Variants in IBTK observed in about 807,000 individuals in gnomAD.
The protein encoded by IBTK is BTK-binding protein.
A neutral mutation model predicts 154.9 loss-of-function variants in IBTK; 83 were observed. That is an observed-to-expected ratio of 0.54 (90% CI 0.45 to 0.64). The LOEUF is 0.64. Ranked by LOEUF, IBTK falls within the 30% of genes least tolerant of loss-of-function variation. IBTK has a pLI of 0.00. For missense variants in IBTK, 1,332 were observed against 1,584.6 expected (o/e 0.84, Z 2.71); for synonymous variants, 515 against 536.1 (o/e 0.96, Z 0.54).
At position 82,171,228 on chromosome 6, in the gene IBTK, A is replaced by G; in HGVS notation, c.*197T>C. ...TTTTTGTCTCACACATTTTATATAA[A>G]GTTACTAAAATCACAATTCTGAGAA... On this transcript the variant is annotated 3_prime_UTR_variant, in exon 29 of 29. Coordinates refer to ENST00000306270, the MANE Select transcript of IBTK (RefSeq NM_015525.4). 2.7e-6 allele frequency: 1 copy of G among 371,548 alleles called. No individual in the cohort carries two copies. The allele number at this position is 371,548 out of a possible 1,614,324, so 23.0% of individuals were successfully genotyped here.
intron 2 of IBTK, among the ~76,000 whole-genome samples, chr6:82,235,780 A>G (rs891979440): frequency 9.2e-5 from 14 of 152,306 alleles, no homozygotes; most frequent in African/African-American, 3.4e-4. Flanking sequence ...TGTTTATGTT[A>G]CCATAGTTGG....
rs774353493 is a variant in IBTK, at chr6:82,182,018, G to A, written c.3586C>T (p.Leu1196=). ...AATGACTTGGATGAAACTGAATGCA[G>A]AGAAGATGCCCTGCAAAAGAAAGCA... ...PKPVNAWASS[L]HSVSSKSFRD... The change falls in exon 26 of 29, where the codon CTG becomes TTG. Residue 1196 remains leucine (L), a synonymous_variant. Transcript: ENST00000306270. 8 of 1,596,304 alleles carry A rather than the reference G, an allele frequency of 5.0e-6. No individual in the cohort carries two copies. In the South Asian group the frequency reaches 5.8e-5, roughly 12 times the overall value.
intron 15 of IBTK, 119 bp downstream of exon 15, chr6:82,211,248 A>G: frequency 1.4e-6 from 1 of 733,340 alleles, no homozygotes; most frequent in South Asian, 2.3e-5. Context: ...AAAGTTTAAT[A>G]TAAATGAAAA....
rs114271182 is a variant in IBTK, at chr6:82,246,962, G to A, written c.-358+600C>T. Among the ~76,000 whole-genome samples, 1,107 of 152,226 alleles carry A rather than the reference G, an allele frequency of 7.3e-3. 14 individuals are homozygous for A. Among genetic ancestry groups the A allele is most frequent in the African/African-American group, 0.025 (1,041 of 41,546 alleles). ...ACGTTGGAAAACAGGAGTCAAGGACGGCCTATGTTACCTAATTCGCAGCTG... is the reference window on the plus strand; with the variant it reads ...ACGTTGGAAAACAGGAGTCAAGGACAGCCTATGTTACCTAATTCGCAGCTG... On this transcript the variant is annotated intron_variant, in intron 1 of 28. Coordinates refer to ENST00000306270, the MANE Select transcript of IBTK (RefSeq NM_015525.4).
chr6:82,236,980 A>G (rs1770740964), intron 2 of IBTK, among the ~76,000 whole-genome samples: 1 of 152,224 alleles, frequency 6.6e-6, no homozygotes, highest in Non-Finnish European at 1.5e-5. Flanking sequence ...TGATGCCAAT[A>G]AGACAGTCAA....
At chr6:82,175,351 T>G (rs1768071556) in intron 26 of IBTK, among the ~76,000 whole-genome samples, 1 of 152,196 alleles carries the variant, frequency 6.6e-6, no homozygotes, top group African/African-American at 2.4e-5. Context: ...TACTCTCATT[T>G]CCATATTATG....
chr6:82,226,738 C>T (rs2127821834), intron 5 of IBTK, among the ~76,000 whole-genome samples: 1 of 152,234 alleles, frequency 6.6e-6, no homozygotes, highest in Middle Eastern at 3.4e-3. Flanking sequence ...TTCCAAGTAG[C>T]TGGGATTACA....
intron 6 of IBTK, among the ~76,000 whole-genome samples, 198 bp from the exon 7 acceptor site, chr6:82,224,383 G>A (rs1409666771): frequency 6.6e-6 from 1 of 152,222 alleles, no homozygotes; most frequent in African/African-American, 2.4e-5. Context: ...ACATTGTGAT[G>A]CAGCCACTTT....
At chr6:82,187,254 T>C (rs556613239) in intron 25 of IBTK, among the ~76,000 whole-genome samples, 45 of 152,276 alleles carry the variant, frequency 3.0e-4, no homozygotes, top group African/African-American at 1.1e-3. Flanking sequence ...AAATAACCTA[T>C]GTTTTTGGTC....
intron 26 of IBTK, among the ~76,000 whole-genome samples, chr6:82,176,732 A>G (rs1768132697): frequency 6.6e-6 from 1 of 152,048 alleles, no homozygotes; most frequent in African/African-American, 2.4e-5. Context: ...CTAACCTTGG[A>G]AAAAAATCAC....
At chr6:82,181,318 G>A (rs1260635320) in intron 26 of IBTK, among the ~76,000 whole-genome samples, 1 of 152,178 alleles carries the variant, frequency 6.6e-6, no homozygotes, top group Non-Finnish European at 1.5e-5. Context: ...ACACATTGAT[G>A]TGGTATACCC....
At chr6:82,226,973 T>G (rs1770321112) in intron 5 of IBTK, among the ~76,000 whole-genome samples, 2 of 152,350 alleles carry the variant, frequency 1.3e-5, no homozygotes, top group East Asian at 1.9e-4. Context: ...TGACTCAGTA[T>G]TTGCTATAAG....
intron 1 of IBTK, among the ~76,000 whole-genome samples, chr6:82,241,193 C>G (rs527815524): frequency 6.6e-5 from 10 of 152,064 alleles, no homozygotes; most frequent in Non-Finnish European, 1.5e-4. Context: ...ATTGGTTGTA[C>G]TCTGGAGTTT....
rs747921582 is a variant in IBTK at position 82,200,722 on chromosome 6, G to C, written c.2791-14C>G. The C allele has an allele frequency of 1.5e-5, 14 of 962,646 alleles. No individual in the cohort carries two copies. In the East Asian group the frequency reaches 4.2e-4, roughly 29 times the overall value. 59.6% of individuals were successfully genotyped at this position (962,646 alleles called of 1,614,324 possible). Reference sequence around the variant, plus strand: ...CATTGCTGGAATCTGCAGAATTGAAGATATCACTTTTCAAATACAAAATCT... The same window carrying C: ...CATTGCTGGAATCTGCAGAATTGAACATATCACTTTTCAAATACAAAATCT... On this transcript the variant is annotated splice_polypyrimidine_tract_variant and intron_variant, in intron 19 of 28. Coordinates refer to ENST00000306270, the MANE Select transcript of IBTK (RefSeq NM_015525.4).
intron 21 of IBTK, 127 bp from the exon 22 acceptor site, chr6:82,196,573 G>A (rs1429283067): frequency 1.7e-5 from 8 of 469,986 alleles, no homozygotes; most frequent in South Asian, 1.5e-4. Context: ...TTATATTTAT[G>A]GTATAAAAAT....
chr6:82,201,513 A>G, intron 18 of IBTK, 31 bp from the exon 19 acceptor site: 1 of 1,468,914 alleles, frequency 6.8e-7, no homozygotes, highest in Non-Finnish European at 9.4e-7. Flanking sequence ...TTCTATCTTA[A>G]GATTCAAGTG....
At chr6:82,193,560 AAT>A (rs557058395) in intron 23 of IBTK, among the ~76,000 whole-genome samples, 12 of 152,348 alleles carry the variant, frequency 7.9e-5, no homozygotes, top group African/African-American at 2.9e-4. Context: ...TCCAGATGAT[AAT>A]ATGTCAATTA....
intron 1 of IBTK, among the ~76,000 whole-genome samples, chr6:82,243,068 C>T (rs1771013731): frequency 6.6e-6 from 1 of 151,822 alleles, no homozygotes; most frequent in Non-Finnish European, 1.5e-5. Context: ...GGTGAAACCT[C>T]GTCTCTACTA....
rs1767885523 is a variant in IBTK at position 82,170,199 on chromosome 6, T to A, written c.*1226A>T. 1 of 152,588 alleles carries A rather than the reference T, an allele frequency of 6.6e-6. No homozygotes were observed. The highest frequency in any genetic ancestry group is 1.5e-5 in the Non-Finnish European group (1 of 68,044). 9.5% of individuals were successfully genotyped at this position (152,588 alleles called of 1,614,324 possible). A position where few individuals can be genotyped will look rare whatever the true frequency, so the allele number is the denominator to read the frequency against. On this transcript the variant is annotated 3_prime_UTR_variant, in exon 29 of 29. Coordinates refer to ENST00000306270, the MANE Select transcript of IBTK (RefSeq NM_015525.4). ...AAATAATTATTAACTCTTTCCATAA[T>A]AAATGTCAATATAGTAAAAAATGTC...
Sources: allele counts gnomAD v4.1 joint callset (sites outside exome capture counted in the v4.1 genomes callset), GRCh38; gene constraint gnomAD v4.1.1; transcripts MANE v1.5; gene names NCBI Gene and HGNC (gene_info 2026-07-23, HGNC 2026-07-21).